The following KAZN variants were observed in gnomAD, a reference collection of about 807,000 sequenced individuals.
KAZN encodes kazrin.
KAZN carries 40 observed loss-of-function variants against 87.4 expected under a neutral mutation model. That is an observed-to-expected ratio of 0.46 (90% CI 0.36 to 0.60). The LOEUF (loss-of-function observed/expected upper bound fraction) is 0.60, where lower values mean the gene tolerates loss of function less well. Among genes scored for constraint, KAZN ranks in the 20% least tolerant of loss-of-function variants. The pLI, the probability that KAZN is intolerant of heterozygous loss-of-function variation, is 0.00. For synonymous variants in KAZN, 466 were observed against 458.3 expected, an observed-to-expected ratio of 1.02 and a Z score of -0.22; for missense variants, 898 against 1,073.9, an observed-to-expected ratio of 0.84 and a Z score of 2.29.
At chr1:14,177,316 G>GAA (rs76348784) in intron 1 of KAZN, among the ~76,000 whole-genome samples, 94,296 of 151,768 alleles carry the variant, frequency 0.62, 30,152 homozygotes, top group African/African-American at 0.77. Context: ...AGATGAGAAA[G>GAA]AACATGTTTA....
intron 2 of KAZN, among the ~76,000 whole-genome samples, chr1:14,370,648 C>G (rs1660403830): frequency 6.6e-6 from 1 of 152,178 alleles, no homozygotes; most frequent in African/African-American, 2.4e-5. Context: ...TGCCAGGGAT[C>G]TCTGAGGTTT....
chr1:14,664,930 C>T (rs1639426025), intron 1 of KAZN, among the ~76,000 whole-genome samples: 2 of 152,206 alleles, frequency 1.3e-5, no homozygotes, highest in Admixed American at 1.3e-4. Flanking sequence ...GCTGGGATTA[C>T]AGGCATGAGC....
At chr1:14,000,138 C>T (rs545142066) in intron 1 of KAZN, among the ~76,000 whole-genome samples, 2 of 152,306 alleles carry the variant, frequency 1.3e-5, no homozygotes, top group East Asian at 3.9e-4. Flanking sequence ...GAGCTTGTGC[C>T]ATTCCTTCTG....
intron 1 of KAZN, among the ~76,000 whole-genome samples, chr1:14,177,596 AT>A (rs928603696): frequency 6.6e-6 from 1 of 151,912 alleles, no homozygotes; most frequent in African/African-American, 2.4e-5. Flanking sequence ...ATTTTTTTTT[AT>A]CTCCTGGTTT....
intron 2 of KAZN, among the ~76,000 whole-genome samples, chr1:14,235,795 G>A (rs1260097253): frequency 6.6e-6 from 1 of 152,094 alleles, no homozygotes; most frequent in South Asian, 2.1e-4. Flanking sequence ...TTGTTGATGC[G>A]AATGACAAGA....
chr1:15,025,007 T>C (rs1671036474), intron 2 of KAZN, among the ~76,000 whole-genome samples: 1 of 152,190 alleles, frequency 6.6e-6, no homozygotes, highest in South Asian at 2.1e-4. Flanking sequence ...TCTGCCCTCA[T>C]GGCACAGGAT....
intron 8 of KAZN, among the ~76,000 whole-genome samples, chr1:15,086,160 G>A (rs967119281): frequency 2.6e-5 from 4 of 152,036 alleles, no homozygotes; most frequent in East Asian, 1.9e-4. Context: ...TAGTAGAGAC[G>A]GGGTTTCACC....
In KAZN at chr1:14,772,926, C is replaced by T. The variant is rs144314055; in HGVS notation, c.226+173703C>T. 2.3e-3 allele frequency among the ~76,000 whole-genome samples: 351 copies of T among 152,156 alleles called. 2 individuals are homozygous for T. The highest frequency in any genetic ancestry group is 7.9e-3 in the African/African-American group (326 of 41,510). On this transcript the variant is annotated intron_variant, in intron 1 of 14. Coordinates refer to ENST00000376030, the MANE Select transcript of KAZN (RefSeq NM_201628.3). Reference sequence around the variant, plus strand: ...TGGCCTTCTGTGTGCTTGGGTTTCCCGTGCCTGGGGTGTGAGGGGCCCAGG... The same window carrying T: ...TGGCCTTCTGTGTGCTTGGGTTTCCTGTGCCTGGGGTGTGAGGGGCCCAGG...
intron 2 of KAZN, among the ~76,000 whole-genome samples, chr1:14,328,407 T>C (rs1390054883): frequency 6.6e-6 from 1 of 152,032 alleles, no homozygotes; most frequent in African/African-American, 2.4e-5. Context: ...CATGCATTCT[T>C]AAGAAACTCT....
chr1:14,537,215 C>A lies in KAZN; in HGVS notation c.250-61768C>A, dbSNP rs189476995. On this transcript the variant is annotated intron_variant, in intron 2 of 16. Coordinates refer to the KAZN transcript ENST00000636203. ...TAAATCAAGATGTTTCCAATTCTCT[C>A]CAAACATCAGGGAGCCATACTCCTT... 4.8e-3 allele frequency among the ~76,000 whole-genome samples: 725 copies of A among 152,274 alleles called. 4 individuals are homozygous for A. Among genetic ancestry groups the A allele is most frequent in the Non-Finnish European group, 8.4e-3 (571 of 68,024 alleles).
At chr1:14,002,014 A>G (rs1639814524) in intron 1 of KAZN, among the ~76,000 whole-genome samples, 1 of 152,252 alleles carries the variant, frequency 6.6e-6, no homozygotes, top group African/African-American at 2.4e-5. Flanking sequence ...ATCTAATTAA[A>G]CTAAAGAACT....
At chr1:14,230,940 T>G (rs1371540421) in intron 2 of KAZN, among the ~76,000 whole-genome samples, 4 of 152,166 alleles carry the variant, frequency 2.6e-5, no homozygotes, top group Non-Finnish European at 5.9e-5. Flanking sequence ...ACAGGTTACT[T>G]CATCCTGGAA....
At chr1:15,000,146 G>A (rs1207980114) in intron 2 of KAZN, among the ~76,000 whole-genome samples, 2 of 151,734 alleles carry the variant, frequency 1.3e-5, no homozygotes, top group African/African-American at 4.9e-5. Flanking sequence ...GGAAGGAGAT[G>A]TGAGACTGGA....
Position 14,573,310 on chromosome 1 carries a change from T to C in KAZN, c.250-25673T>C, listed in dbSNP as rs528304249. On this transcript the variant is annotated intron_variant, in intron 2 of 16. Coordinates refer to the KAZN transcript ENST00000636203. ...AGCAACTACATTTTCAGGAATCTACTTGTGGCTTTCCCATACACCTCTTTT... is the reference window on the plus strand; with the variant it reads ...AGCAACTACATTTTCAGGAATCTACCTGTGGCTTTCCCATACACCTCTTTT... Among the ~76,000 whole-genome samples, 12 of 152,306 alleles carry C rather than the reference T, an allele frequency of 7.9e-5. No homozygotes were observed. The South Asian group carries it at 2.3e-3, about 29-fold the overall frequency.
At chr1:14,830,192 T>A (rs1647013786) in intron 1 of KAZN, among the ~76,000 whole-genome samples, 1 of 152,204 alleles carries the variant, frequency 6.6e-6, no homozygotes, top group South Asian at 2.1e-4. Context: ...TTCTAGACTC[T>A]TTCTTCCTTT....
chr1:14,943,715 G>C (rs1661406536), intron 1 of KAZN, among the ~76,000 whole-genome samples: 1 of 152,248 alleles, frequency 6.6e-6, no homozygotes, highest in South Asian at 2.1e-4. Context: ...GCCTTGCTTG[G>C]AGATGTGTTT....
intron 2 of KAZN, among the ~76,000 whole-genome samples, chr1:14,421,350 G>C (rs1193673304): frequency 6.6e-6 from 1 of 152,096 alleles, no homozygotes; most frequent in African/African-American, 2.4e-5. Flanking sequence ...TTTGGGATGG[G>C]TTTTCTTGGG....
At chr1:13,932,409 C>T (rs1396662970) in intron 1 of KAZN, among the ~76,000 whole-genome samples, 1 of 151,412 alleles carries the variant, frequency 6.6e-6, no homozygotes. Flanking sequence ...TACAGGCGCC[C>T]GCCACTACGC....
chr1:15,089,879 C>T (rs993336289), intron 8 of KAZN, among the ~76,000 whole-genome samples: 7 of 151,820 alleles, frequency 4.6e-5, no homozygotes, highest in African/African-American at 1.7e-4. Context: ...CTTTGGAGAA[C>T]ATCTTACCTG....
Sources: allele counts gnomAD v4.1 joint callset (sites outside exome capture counted in the v4.1 genomes callset), GRCh38; gene constraint gnomAD v4.1.1; transcripts MANE v1.5; gene names NCBI Gene and HGNC (gene_info 2026-07-23, HGNC 2026-07-21).